Variants in DOK6 observed in about 807,000 individuals in gnomAD.
DOK6 encodes the protein downstream of tyrosine kinase 6.
DOK6 carries 22 observed loss-of-function variants against 44.0 expected under a neutral mutation model. The observed-to-expected ratio is 0.50, with a 90% CI of 0.36 to 0.71. DOK6 has a LOEUF of 0.71. Ranked by LOEUF, DOK6 falls within the 30% of genes least tolerant of loss-of-function variation. The probability of loss-of-function intolerance (pLI) is 0.00; values close to 1 mark genes in which losing one functional copy is unlikely to be tolerated. For missense variants in DOK6, 340 were observed against 416.4 expected (o/e 0.82, Z 1.60); for synonymous variants, 166 against 145.5 (o/e 1.14, Z -1.01).
intron 1 of DOK6, among the ~76,000 whole-genome samples, chr18:69,440,560 C>T (rs1979108181): frequency 6.6e-6 from 1 of 152,136 alleles, no homozygotes; most frequent in Non-Finnish European, 1.5e-5. Flanking sequence ...TGTCGGCCTT[C>T]TTACTTGCAG....
At chr18:69,628,353 C>T (rs541059673) in intron 3 of DOK6, among the ~76,000 whole-genome samples, 20 of 152,276 alleles carry the variant, frequency 1.3e-4, no homozygotes, top group African/African-American at 4.1e-4. Flanking sequence ...ATCCAGGTTT[C>T]ATGGCCCATG....
At chr18:69,454,640 CA>C (rs1338584683) in intron 1 of DOK6, among the ~76,000 whole-genome samples, 2 of 117,934 alleles carry the variant, frequency 1.7e-5, no homozygotes, top group Non-Finnish European at 3.7e-5. Flanking sequence ...TTCACAATAG[CA>C]AAGACTTGGA....
rs78075579 is a variant in DOK6 at position 69,470,306 on chromosome 18, A to G, written c.66+68996A>G. ...CCCAGCTTTTCTCAGGCCCAGCCTCACGTGACTCTGGAAGCTGGGAGCTTC... is the reference window on the plus strand; with the variant it reads ...CCCAGCTTTTCTCAGGCCCAGCCTCGCGTGACTCTGGAAGCTGGGAGCTTC... On this transcript the variant is annotated intron_variant, in intron 1 of 7. Coordinates refer to ENST00000382713, the MANE Select transcript of DOK6 (RefSeq NM_152721.6). Among the ~76,000 whole-genome samples the G allele has an allele frequency of 7.7e-3, 1,174 of 152,218 alleles. 16 individuals are homozygous for G. The highest frequency in any genetic ancestry group is 0.027 in the African/African-American group (1,117 of 41,528).
chr18:69,427,126 A>G (rs1299323715), intron 1 of DOK6, among the ~76,000 whole-genome samples: 1 of 152,128 alleles, frequency 6.6e-6, no homozygotes, highest in Non-Finnish European at 1.5e-5. Flanking sequence ...TTAGTTTGCT[A>G]AGGATCATGG....
intron 7 of DOK6, among the ~76,000 whole-genome samples, chr18:69,838,521 A>G (rs1982115216): frequency 6.6e-6 from 1 of 152,128 alleles, no homozygotes; most frequent in South Asian, 2.1e-4. Context: ...TTTGGCGATT[A>G]CCATGACATG....
chr18:69,416,794 A>G (rs1364700008), intron 1 of DOK6, among the ~76,000 whole-genome samples: 2 of 152,128 alleles, frequency 1.3e-5, no homozygotes, highest in Non-Finnish European at 2.9e-5. Flanking sequence ...GCATTTATAT[A>G]GACTATGTTG....
At chr18:69,748,266 A>C (rs1002662833) in intron 6 of DOK6, among the ~76,000 whole-genome samples, 1 of 152,162 alleles carries the variant, frequency 6.6e-6, no homozygotes, top group Non-Finnish European at 1.5e-5. Context: ...ACCTATAAAG[A>C]GACTTAGATT....
intron 3 of DOK6, among the ~76,000 whole-genome samples, chr18:69,635,452 A>G (rs759437392): frequency 1.3e-5 from 2 of 152,094 alleles, no homozygotes; most frequent in Non-Finnish European, 2.9e-5. Flanking sequence ...TAATTGTCCT[A>G]TCTAATAAAG....
intron 5 of DOK6, among the ~76,000 whole-genome samples, chr18:69,718,696 A>G (rs1424333606): frequency 6.6e-6 from 1 of 152,208 alleles, no homozygotes; most frequent in African/African-American, 2.4e-5. Context: ...TTCATGTTTC[A>G]TACTAGTCAT....
At position 69,833,424 on chromosome 18, in the gene DOK6, A is replaced by G. The variant is rs144632298; in HGVS notation, c.857-7820A>G. Among the ~76,000 whole-genome samples, 384 of 152,300 alleles carry G rather than the reference A, an allele frequency of 2.5e-3. 3 individuals carry two copies. The highest frequency in any genetic ancestry group is 8.8e-3 in the African/African-American group (364 of 41,580). On this transcript the variant is annotated intron_variant, in intron 7 of 7. Coordinates refer to ENST00000382713, the MANE Select transcript of DOK6 (RefSeq NM_152721.6). ...AAAATAAACTCAAAATGGAGTAAAG[A>G]TTTAAATGTAATACCTAAAACTTCA...
At chr18:69,620,968 G>C (rs1984426533) in intron 3 of DOK6, among the ~76,000 whole-genome samples, 1 of 151,952 alleles carries the variant, frequency 6.6e-6, no homozygotes, top group Admixed American at 6.6e-5. Flanking sequence ...ATTTTTGAGG[G>C]GTGTTTTTTA....
intron 4 of DOK6, among the ~76,000 whole-genome samples, chr18:69,683,652 G>A (rs377156758): frequency 1.3e-4 from 20 of 152,290 alleles, no homozygotes; most frequent in Middle Eastern, 3.4e-3. Context: ...GGATTCTTCC[G>A]TTGAGCAGCC....
intron 1 of DOK6, among the ~76,000 whole-genome samples, chr18:69,461,985 T>C (rs1275072041): frequency 6.6e-6 from 1 of 152,228 alleles, no homozygotes; most frequent in Non-Finnish European, 1.5e-5. Context: ...TTCTTCCTTT[T>C]GTCCAGACTA....
intron 3 of DOK6, among the ~76,000 whole-genome samples, chr18:69,616,619 A>T (rs181957183): frequency 6.6e-6 from 1 of 152,374 alleles, no homozygotes; most frequent in East Asian, 1.9e-4. Flanking sequence ...CAATTAACAT[A>T]CAGTATCAGC....
At chr18:69,467,696 T>G (rs1979968486) in intron 1 of DOK6, among the ~76,000 whole-genome samples, 1 of 152,220 alleles carries the variant, frequency 6.6e-6, no homozygotes, top group South Asian at 2.1e-4. Context: ...CGGTGCTTTT[T>G]AGGAAACCTA....
intron 3 of DOK6, among the ~76,000 whole-genome samples, chr18:69,651,067 T>C (rs940707144): frequency 6.6e-6 from 1 of 152,190 alleles, no homozygotes; most frequent in Non-Finnish European, 1.5e-5. Context: ...ATATTGTTGG[T>C]AAGCAAAAGG....
At chr18:69,462,959 A>G (rs543343104) in intron 1 of DOK6, among the ~76,000 whole-genome samples, 30 of 152,360 alleles carry the variant, frequency 2.0e-4, no homozygotes, top group Non-Finnish European at 4.0e-4. Flanking sequence ...CTAAAAGGAA[A>G]TTGGAATTTA....
intron 7 of DOK6, among the ~76,000 whole-genome samples, chr18:69,817,143 T>C (rs1981423437): frequency 6.6e-6 from 1 of 152,170 alleles, no homozygotes; most frequent in South Asian, 2.1e-4. Context: ...AATTCATCCA[T>C]TTCTTTCTTA....
chr18:69,508,145 G>C (rs765119324), intron 1 of DOK6, among the ~76,000 whole-genome samples: 3 of 152,024 alleles, frequency 2.0e-5, no homozygotes, highest in Non-Finnish European at 4.4e-5. Flanking sequence ...ATAATCTTTT[G>C]ATATGGTAAA....
Sources: gnomAD v4.1 joint callset for allele counts (sites outside exome capture counted in the v4.1 genomes callset) on GRCh38, gnomAD v4.1.1 for gene constraint, MANE v1.5 for transcripts, NCBI Gene and HGNC (gene_info 2026-07-23, HGNC 2026-07-21) for gene names.